UBN1: variants seen among roughly 807,000 people sequenced by gnomAD.
UBN1 encodes ubinuclein 1.
In UBN1, 17 loss-of-function variants were observed where a neutral mutation model predicts 108.5. The ratio of observed to expected loss-of-function variants is 0.16; its 90% CI spans 0.11 to 0.24. The LOEUF is 0.24. Ranked by LOEUF, UBN1 falls within the 10% of genes least tolerant of loss-of-function variation. The pLI is 1.00. For missense variants in UBN1, 1,595 were observed against 1,394.4 expected (o/e 1.14, Z -2.29); for synonymous variants, 726 against 564.2 (o/e 1.29, Z -4.07).
chr16:4,850,367 C>T (rs1234049958), intron 1 of UBN1, among the ~76,000 whole-genome samples: 2 of 152,166 alleles, frequency 1.3e-5, no homozygotes, highest in African/African-American at 4.8e-5. Context: ...TATGTGTTTA[C>T]TGCCTGGACA....
chr16:4,874,841 A>C lies in UBN1; in HGVS notation c.2431A>C (p.Thr811Pro). Residue 811 changes from threonine (T) to proline (P), a missense_variant, in exon 15 of 18, where the codon ACT becomes CCT. Coordinates refer to ENST00000262376, the MANE Select transcript of UBN1 (RefSeq NM_001079514.3). Reference protein sequence around the residue: ...GPQVKVFHAGTQQQKNFTPPS... With the variant: ...GPQVKVFHAGPQQQKNFTPPS... ...CCAGGTCAAAGTCTTTCATGCCGGC[A>C]CTCAGCAGCAGAAAAACTTCACGCC... 1 of 1,614,054 alleles carries C rather than the reference A, an allele frequency of 6.2e-7. No individual in the cohort carries two copies. The highest frequency in any genetic ancestry group is 8.5e-7 in the Non-Finnish European group (1 of 1,180,034).
intron 8 of UBN1, 131 bp from the exon 9 acceptor site, chr16:4,870,081 T>C: frequency 7.4e-7 from 1 of 1,357,024 alleles, no homozygotes; most frequent in Non-Finnish European, 1.0e-6. Context: ...GGCATTCAGT[T>C]ACATTGTGTG....
chr16:4,870,517 G>C lies in UBN1; in HGVS notation c.1313G>C (p.Gly438Ala). 6.2e-7 allele frequency: 1 copy of C among 1,614,210 alleles called. No individual in the cohort carries two copies. Among genetic ancestry groups the C allele is most frequent in the South Asian group, 1.1e-5 (1 of 91,084 alleles). Residue 438 changes from glycine to alanine, a missense_variant and splice_region_variant, in exon 10 of 18, where the codon GGG becomes GCG. Gly to Ala is a moderately conservative substitution (Grantham distance 60, BLOSUM62 0). Transcript: ENST00000262376. Reference sequence around the variant, plus strand: ...TGAATTGTGTCCCGCTCTTCGCAGGGGGGCCGTCTGAAGGAGCCTCTCCAG... The same window carrying C: ...TGAATTGTGTCCCGCTCTTCGCAGGCGGGCCGTCTGAAGGAGCCTCTCCAG... ...RARKLHLYEQ[G>A]GRLKEPLQKL...
rs1385593835 is a variant in UBN1 at position 4,882,268 on chromosome 16, T to A, written c.*2136T>A. 6.5e-6 allele frequency: 1 copy of A among 152,702 alleles called. No individual in the cohort carries two copies. The highest frequency in any genetic ancestry group is 1.9e-4 in the East Asian group (1 of 5,192). The allele number at this position is 152,702 out of a possible 1,614,324, so 9.5% of individuals were successfully genotyped here. On this transcript the variant is annotated 3_prime_UTR_variant, in exon 18 of 18. Coordinates refer to ENST00000262376, the MANE Select transcript of UBN1 (RefSeq NM_001079514.3). ...TCTTAGGTGTGAGAGGGGCTGTGGC[T>A]TTTGTGCAGCGACTATGTTGGTGTT...
chr16:4,854,039 T>G (rs925295610), intron 2 of UBN1, among the ~76,000 whole-genome samples: 1 of 151,954 alleles, frequency 6.6e-6, no homozygotes, highest in African/African-American at 2.4e-5. Flanking sequence ...ATTTGTGGGG[T>G]TTTTTTGTTT....
At chr16:4,869,973 G>A (rs2087538837) in intron 8 of UBN1, among the ~76,000 whole-genome samples, 2 of 152,118 alleles carry the variant, frequency 1.3e-5, no homozygotes, top group Non-Finnish European at 2.9e-5. Context: ...TGTTTTCCTG[G>A]TATTGTGACC....
intron 7 of UBN1, among the ~76,000 whole-genome samples, chr16:4,865,165 C>G (rs573256772): frequency 1.6e-4 from 24 of 151,908 alleles, no homozygotes; most frequent in African/African-American, 5.6e-4. Flanking sequence ...TTTTGGAAGA[C>G]TATCAGATAT....
chr16:4,850,769 C>T (rs150425871), intron 1 of UBN1, among the ~76,000 whole-genome samples: 440 of 152,282 alleles, frequency 2.9e-3, no homozygotes, highest in African/African-American at 0.01. Context: ...ACAAATACGT[C>T]TACATGTATG....
intron 7 of UBN1, among the ~76,000 whole-genome samples, chr16:4,866,955 AGGCTCTTG>A (rs2087364370): frequency 6.6e-6 from 1 of 152,214 alleles, no homozygotes; most frequent in Admixed American, 6.5e-5. Context: ...GGTTAAAGAG[AGGCTCTTG>A]GGGGGCATAT....
chr16:4,869,771 A>T (rs898687083), intron 8 of UBN1, among the ~76,000 whole-genome samples: 2 of 152,144 alleles, frequency 1.3e-5, no homozygotes, highest in African/African-American at 4.8e-5. Flanking sequence ...GCTTATCTAG[A>T]TGGAGAAACT....
rs760739039 is a variant in UBN1 at position 4,859,081 on chromosome 16, C to T, written c.489C>T (p.Asn163=). ...LTTKYGGFYI[N]SGTLQFRQAS... ...CGAAGTATGGAGGATTTTACATTAACTCGGGAACCCTGCAGTTTAGACAAG... is the reference window on the plus strand; with the variant it reads ...CGAAGTATGGAGGATTTTACATTAATTCGGGAACCCTGCAGTTTAGACAAG... The change falls in exon 5 of 18, where the codon AAC becomes AAT. Residue 163 remains asparagine (N), a synonymous_variant. Transcript: ENST00000262376. 2 of 1,614,224 alleles carry T rather than the reference C, an allele frequency of 1.2e-6. No homozygotes were observed. The highest frequency in any genetic ancestry group is 1.7e-6 in the Non-Finnish European group (2 of 1,180,050).
chr16:4,879,450 TAAA>T (rs1422402374), intron 17 of UBN1, among the ~76,000 whole-genome samples: 2 of 152,198 alleles, frequency 1.3e-5, no homozygotes, highest in Non-Finnish European at 2.9e-5. Flanking sequence ...ACCTCATCTC[TAAA>T]AAAATTTTTT....
chr16:4,875,797 A>G (rs535683340), intron 15 of UBN1, among the ~76,000 whole-genome samples: 3 of 152,100 alleles, frequency 2.0e-5, no homozygotes, highest in African/African-American at 2.4e-5. Flanking sequence ...GCTGTCTTCT[A>G]TCAGTTGAGT....
At position 4,865,451 on chromosome 16, in the gene UBN1, T is replaced by C. The variant is rs2087283031; in HGVS notation, c.1111-3382T>C. ...ATCGCAGTACTTTGGGAGGCCGAGGTGGGAGGATCACCTGAGCCCAGGAGT... is the reference window on the plus strand; with the variant it reads ...ATCGCAGTACTTTGGGAGGCCGAGGCGGGAGGATCACCTGAGCCCAGGAGT... On this transcript the variant is annotated intron_variant, in intron 7 of 17. Transcript: ENST00000262376. Among the ~76,000 whole-genome samples, 4 of 151,274 alleles carry C rather than the reference T, an allele frequency of 2.6e-5. No individual in the cohort carries two copies. In the South Asian group the frequency reaches 8.4e-4, roughly 32 times the overall value.
At position 4,871,137 on chromosome 16, in the gene UBN1, T is replaced by C. The variant is rs200043718; in HGVS notation, c.1560-18T>C. ...ATCTGAAGTAGTTTGGAGTTTCTGA[T>C]TTCTGCCTCCTTCTCAGGGAGCTAC... On this transcript the variant is annotated intron_variant, in intron 11 of 17. Coordinates refer to ENST00000262376, the MANE Select transcript of UBN1 (RefSeq NM_001079514.3). The C allele has an allele frequency of 5.2e-5, 84 of 1,613,500 alleles. No homozygotes were observed. The African/African-American group carries it at 7.2e-4, about 14-fold the overall frequency.
rs1385689794 is a variant in UBN1 at position 4,877,433 on chromosome 16, C to G, written c.3314C>G (p.Pro1105Arg). 1 of 1,612,668 alleles carries G rather than the reference C, an allele frequency of 6.2e-7. No homozygotes were observed. ...HSSPPHAAPL[P>R]HAAVPTHIPQ... ...AGCCCGCCCCATGCAGCGCCTCTCC[C>G]ACACGCTGCGGTGCCCACCCATATC... Residue 1105 changes from proline to arginine, a missense_variant, in exon 17 of 18, where the codon CCA becomes CGA. Physicochemically the swap from Pro to Arg is moderately radical, Grantham distance 103. This residue lies in a region of UBN1 where 1,398 missense variants were observed against 1,194.7 expected (regional missense o/e 1.17). Coordinates refer to ENST00000262376, the MANE Select transcript of UBN1 (RefSeq NM_001079514.3). The surrounding 1 kb of genome is among the most constrained non-coding windows in gnomAD (Gnocchi z 4.3).
chr16:4,875,562 CGTA>C, intron 15 of UBN1, 128 bp downstream of exon 15: 1 of 1,352,416 alleles, frequency 7.4e-7, no homozygotes, highest in Non-Finnish European at 1.0e-6. Flanking sequence ...TGGGCTCAGA[CGTA>C]GGAAGGGAGA....
intron 4 of UBN1, 122 bp downstream of exon 4, chr16:4,858,785 C>G: frequency 9.9e-7 from 1 of 1,014,150 alleles, no homozygotes; most frequent in Non-Finnish European, 1.5e-6. Context: ...GAGGCAGTAG[C>G]AGCACTGATG....
chr16:4,869,007 G>GC, intron 8 of UBN1, 104 bp downstream of exon 8: 7 of 1,120,306 alleles, frequency 6.2e-6, no homozygotes, highest in South Asian at 4.6e-5. Context: ...CTGCATAAAG[G>GC]TGACCACCAA....
Sources: allele counts gnomAD v4.1 joint callset (sites outside exome capture counted in the v4.1 genomes callset), GRCh38; gene constraint gnomAD v4.1.1; regional missense constraint gnomAD v4.1.1; non-coding constraint Gnocchi (gnomAD v3.1); transcripts MANE v1.5; gene names NCBI Gene and HGNC (gene_info 2026-07-23, HGNC 2026-07-21).